PKIB: variants seen among roughly 807,000 people sequenced by gnomAD.
The protein encoded by PKIB is PKI-beta.
A neutral mutation model predicts 4.5 loss-of-function variants in PKIB; 2 were observed. That is an observed-to-expected ratio of 0.44 (90% CI 0.18 to 1.39). The LOEUF (loss-of-function observed/expected upper bound fraction) is 1.39, where lower values mean the gene tolerates loss of function less well. PKIB is among the 40% of genes most tolerant of loss of function. The probability of loss-of-function intolerance (pLI) is 0.27; values close to 1 mark genes in which losing one functional copy is unlikely to be tolerated. For synonymous variants in PKIB, 38 were observed against 36.0 expected (o/e 1.06, Z -0.20); for missense variants, 94 against 92.6 (o/e 1.02, Z -0.06).
chr6:122,686,786 G>T (rs1242759113), intron 3 of PKIB, among the ~76,000 whole-genome samples: 1 of 152,078 alleles, frequency 6.6e-6, no homozygotes, highest in Non-Finnish European at 1.5e-5. Context: ...ACCACATCCA[G>T]CCTTTTTTGC....
intron 2 of PKIB, among the ~76,000 whole-genome samples, chr6:122,495,450 C>A (rs1428401423): frequency 6.6e-6 from 1 of 152,116 alleles, no homozygotes; most frequent in African/African-American, 2.4e-5. Context: ...TCCATCTGCC[C>A]CTGCCTGAGA....
intron 2 of PKIB, among the ~76,000 whole-genome samples, chr6:122,512,647 C>T (rs1246227097): frequency 2.0e-5 from 3 of 152,164 alleles, no homozygotes; most frequent in Non-Finnish European, 4.4e-5. Flanking sequence ...TCACCTACCA[C>T]TGGCTTTGGT....
At chr6:122,695,014 T>C (rs6911637) in intron 3 of PKIB, among the ~76,000 whole-genome samples, 72,944 of 151,978 alleles carry the variant, frequency 0.48, 18,275 homozygotes, top group Non-Finnish European at 0.56. Flanking sequence ...CTGCATTCTT[T>C]GGAGCCTTCT....
chr6:122,722,304 G>A (rs1172823283), intron 4 of PKIB, among the ~76,000 whole-genome samples: 1 of 152,008 alleles, frequency 6.6e-6, no homozygotes, highest in Non-Finnish European at 1.5e-5. Flanking sequence ...AGCAAAAAAT[G>A]AGACTATAAG....
In PKIB at chr6:122,558,685, T is replaced by C. The variant is rs1436096685; in HGVS notation, c.-247-27236T>C. 5.3e-5 allele frequency among the ~76,000 whole-genome samples: 8 copies of C among 152,040 alleles called. No individual in the cohort carries two copies. In the East Asian group the frequency reaches 1.3e-3, roughly 26 times the overall value. ...TATGTAATATAATAAAACTCCTTCA[T>C]ACACAAGAAAAAGCCACAGTCACCT... is the stretch of plus-strand genomic sequence containing the variant. On this transcript the variant is annotated intron_variant, in intron 2 of 6. Transcript: ENST00000392491.
At chr6:122,719,709 CCACACATACACACA>C (rs35669347) in intron 4 of PKIB, among the ~76,000 whole-genome samples, 29,118 of 137,590 alleles carry the variant, frequency 0.21, 3,777 homozygotes, top group Non-Finnish European at 0.29. Flanking sequence ...AGTGTTCCCA[CCACACATACACACA>C]CACACACACA....
At chr6:122,656,922 T>G (rs867846250) in intron 2 of PKIB, among the ~76,000 whole-genome samples, 1 of 152,360 alleles carries the variant, frequency 6.6e-6, no homozygotes, top group Middle Eastern at 3.4e-3. Flanking sequence ...TTCTCATTAT[T>G]ATCTAATGAC....
At chr6:122,552,984 T>A (rs1772724640) in intron 2 of PKIB, among the ~76,000 whole-genome samples, 2 of 152,208 alleles carry the variant, frequency 1.3e-5, no homozygotes, top group Non-Finnish European at 2.9e-5. Context: ...GATTTTTTTT[T>A]ATTTCTTACT....
chr6:122,709,815 C>A (rs1562314296), intron 3 of PKIB, among the ~76,000 whole-genome samples: 1 of 152,112 alleles, frequency 6.6e-6, no homozygotes. Context: ...ATGTGTATAA[C>A]CATCAGATGT....
intron 2 of PKIB, among the ~76,000 whole-genome samples, chr6:122,498,816 T>C (rs1268835363): frequency 6.6e-6 from 1 of 152,168 alleles, no homozygotes; most frequent in Non-Finnish European, 1.5e-5. Context: ...TGATGACCAC[T>C]AGCTAGATTA....
upstream of PKIB, among the ~76,000 whole-genome samples, chr6:122,609,272 C>T (rs1774651884): frequency 1.3e-5 from 2 of 152,176 alleles, no homozygotes; most frequent in South Asian, 4.1e-4. Context: ...GCAGAAAGAC[C>T]TAAGTTCAAA....
intron 3 of PKIB, among the ~76,000 whole-genome samples, chr6:122,678,858 A>G (rs1382557853): frequency 6.6e-6 from 1 of 152,230 alleles, no homozygotes; most frequent in Non-Finnish European, 1.5e-5. Context: ...AATGTACAAC[A>G]TTTTGAAACC....
At chr6:122,537,684 G>A (rs1296947075) in intron 2 of PKIB, among the ~76,000 whole-genome samples, 2 of 152,054 alleles carry the variant, frequency 1.3e-5, no homozygotes, top group East Asian at 3.9e-4. Context: ...AATCCTTTGG[G>A]TATATACCCG....
At chr6:122,672,684 T>A (rs1175270792) in intron 2 of PKIB, among the ~76,000 whole-genome samples, 1 of 151,882 alleles carries the variant, frequency 6.6e-6, no homozygotes, top group African/African-American at 2.4e-5. Flanking sequence ...TATATCTATT[T>A]ATATTTTATT....
chr6:122,670,868 T>C (rs527404912), intron 2 of PKIB, among the ~76,000 whole-genome samples: 1 of 152,320 alleles, frequency 6.6e-6, no homozygotes, highest in East Asian at 1.9e-4. Context: ...TAAAACTAGG[T>C]CTTACAGTTG....
intron 2 of PKIB, among the ~76,000 whole-genome samples, chr6:122,530,227 ATTTTTAGT>A (rs1467326940): frequency 6.6e-6 from 1 of 151,978 alleles, no homozygotes; most frequent in Admixed American, 6.6e-5. Context: ...TTTAAAATAC[ATTTTTAGT>A]TTAATTGTTG....
intron 3 of PKIB, among the ~76,000 whole-genome samples, chr6:122,717,070 A>G (rs1212354090): frequency 6.6e-6 from 1 of 152,122 alleles, no homozygotes; most frequent in Non-Finnish European, 1.5e-5. Flanking sequence ...AATAACTGTT[A>G]CCTTCCTCCC....
upstream of PKIB, among the ~76,000 whole-genome samples, chr6:122,605,857 G>A (rs1774513515): frequency 6.6e-6 from 1 of 152,164 alleles, no homozygotes; most frequent in African/African-American, 2.4e-5. Context: ...CAGTTTGAAA[G>A]CTTTAGAAAC....
intron 3 of PKIB, among the ~76,000 whole-genome samples, chr6:122,681,535 A>T (rs4436497): frequency 0.052 from 7,972 of 152,218 alleles, 244 homozygotes; most frequent in East Asian, 0.13. Flanking sequence ...TCTGAAGTCA[A>T]TTTTCTTTTG....
Sources: allele counts gnomAD v4.1 joint callset (sites outside exome capture counted in the v4.1 genomes callset), GRCh38; gene constraint gnomAD v4.1.1; transcripts MANE v1.5; gene names NCBI Gene and HGNC (gene_info 2026-07-23, HGNC 2026-07-21).